RAD52: variants seen among roughly 807,000 people sequenced by gnomAD.
RAD52 encodes RAD52 DNA repair protein.
Under a neutral mutation model 55.5 loss-of-function variants are expected in RAD52, and 47 were observed. That is an observed-to-expected ratio of 0.85 (90% confidence interval 0.67 to 1.08). The LOEUF is 1.08. Among genes scored for constraint, RAD52 ranks in the 50% least tolerant of loss-of-function variants. The probability of loss-of-function intolerance (pLI) is 0.00; values close to 1 mark genes in which losing one functional copy is unlikely to be tolerated. For missense variants in RAD52, 468 were observed against 522.8 expected (o/e 0.90, Z 1.02); for synonymous variants, 184 against 198.9 (o/e 0.92, Z 0.63).
chr12:938,910 C>T (rs887876620), intron 1 of RAD52, among the ~76,000 whole-genome samples: 5 of 152,098 alleles, frequency 3.3e-5, no homozygotes, highest in African/African-American at 1.2e-4. Flanking sequence ...TACAGGTGTG[C>T]ACCACCACAG....
intron 1 of RAD52, among the ~76,000 whole-genome samples, chr12:956,333 A>G (rs1017322394): frequency 6.6e-6 from 1 of 152,158 alleles, no homozygotes; most frequent in Non-Finnish European, 1.5e-5. Context: ...GCTTGGTTCA[A>G]TGTTCTATGC....
At chr12:980,017 C>T (rs919489586) in intron 1 of RAD52, among the ~76,000 whole-genome samples, 3 of 151,870 alleles carry the variant, frequency 2.0e-5, no homozygotes, top group South Asian at 2.1e-4. Flanking sequence ...GATGAAACCC[C>T]GTCTCTATTA....
intron 7 of RAD52, among the ~76,000 whole-genome samples, chr12:917,726 A>T (rs1956476276): frequency 6.6e-6 from 1 of 150,666 alleles, no homozygotes; most frequent in Non-Finnish European, 1.5e-5. Context: ...AAAAAAAAAA[A>T]ATCGAAGGAA....
At position 927,296 on chromosome 12, in the gene RAD52, C is replaced by T. The variant is rs768168020; in HGVS notation, c.349-33G>A. The T allele has an allele frequency of 1.1e-5, 17 of 1,511,762 alleles. No homozygotes were observed. In the East Asian group the frequency reaches 2.3e-4, roughly 20 times the overall value. 93.6% of individuals were successfully genotyped at this position (1,511,762 alleles called of 1,614,324 possible). A position where few individuals can be genotyped will look rare whatever the true frequency, so the allele number is the denominator to read the frequency against. On this transcript the variant is annotated intron_variant, in intron 5 of 11. Transcript: ENST00000358495. ...CAGAAAAGGAGTTTGAACTCAAACA[C>T]GAGAGCGGCAGGCGTGCCACAACTC... is the stretch of plus-strand genomic sequence containing the variant.
At chr12:950,920 T>C (rs1442386594), upstream of RAD52, among the ~76,000 whole-genome samples, 2 of 151,764 alleles carry the variant, frequency 1.3e-5, no homozygotes, top group Non-Finnish European at 2.9e-5. Flanking sequence ...CCCCAGCCTC[T>C]GGGGAATTTT....
At chr12:950,578 A>AAAG, upstream of RAD52, among the ~76,000 whole-genome samples, 1 of 151,176 alleles carries the variant, frequency 6.6e-6, no homozygotes, top group Non-Finnish European at 1.5e-5. Context: ...TCTCAAAAAA[A>AAAG]AAAAAAAAAG....
chr12:934,913 G>A (rs940514286), intron 1 of RAD52, among the ~76,000 whole-genome samples: 3 of 152,078 alleles, frequency 2.0e-5, no homozygotes, highest in African/African-American at 7.2e-5. Flanking sequence ...AGGAGTTCGA[G>A]ATCAGCCTGA....
At chr12:934,460 CA>C (rs10611406) in intron 1 of RAD52, among the ~76,000 whole-genome samples, 15 of 128,830 alleles carry the variant, frequency 1.2e-4, no homozygotes, top group African/African-American at 4.1e-4. Flanking sequence ...GACTCCATCT[CA>C]AAAAAAAAAA....
Position 984,740 on chromosome 12 carries a change from C to A in RAD52, c.-19+5069G>T, listed in dbSNP as rs557837250. Among the ~76,000 whole-genome samples the A allele has an allele frequency of 1.2e-3, 176 of 152,054 alleles. 1 individual carries two copies. The Middle Eastern group carries it at 0.017, about 15-fold the overall frequency. On this transcript the variant is annotated intron_variant, in intron 1 of 11. Coordinates refer to the RAD52 transcript ENST00000430095. ...AGTGCAGTGGCGTGATCTCGGCTCACTGCAAGCTCCGCCTCCCGGCTTCAC... is the reference window on the plus strand; with the variant it reads ...AGTGCAGTGGCGTGATCTCGGCTCAATGCAAGCTCCGCCTCCCGGCTTCAC...
intron 10 of RAD52, 59 bp downstream of exon 10, chr12:914,372 A>G (rs1425188110): frequency 1.2e-6 from 2 of 1,600,478 alleles, no homozygotes; most frequent in Non-Finnish European, 1.7e-6. Flanking sequence ...CCTAAAAGGT[A>G]TTCTGTGGCT....
chr12:916,811 C>G lies in RAD52; in HGVS notation c.553G>C (p.Glu185Gln). 1 of 1,598,962 alleles carries G rather than the reference C, an allele frequency of 6.3e-7. No homozygotes were observed. The highest frequency in any genetic ancestry group is 1.1e-5 in the South Asian group (1 of 90,810). Reference protein sequence around the residue: ...LNKLPRQLPLEVDLTKAKRQD... With the variant: ...LNKLPRQLPLQVDLTKAKRQD... ...CTCTTCGCTTTAGTTAAATCCACTT[C>G]AAGAGGCAACTAGAAGGAAAGAAGA... Residue 185 changes from glutamate to glutamine, a missense_variant, in exon 8 of 12, where the codon GAA becomes CAA. By Grantham distance (29) the Glu-to-Gln change is conservative (BLOSUM62 2). Coordinates refer to ENST00000358495, the MANE Select transcript of RAD52 (RefSeq NM_134424.4).
chr12:989,493 T>C lies in RAD52; in HGVS notation c.-19+316A>G, dbSNP rs545696689. On this transcript the variant is annotated intron_variant, in intron 1 of 11. Transcript: ENST00000430095. The stretch of plus-strand genomic sequence containing the variant: ...GTTAGCTAGCTTTAATCAAAAATCC[T>C]AAACGTAGGTTTTAAAAAAGATAAC... Among the ~76,000 whole-genome samples, 12 of 152,322 alleles carry C rather than the reference T, an allele frequency of 7.9e-5. No individual in the cohort carries two copies. In the South Asian group the frequency reaches 2.5e-3, roughly 32 times the overall value.
chr12:928,878 A>G (rs754374160), intron 5 of RAD52, among the ~76,000 whole-genome samples: 11 of 152,252 alleles, frequency 7.2e-5, no homozygotes, highest in South Asian at 4.1e-4. Context: ...AAGCACAGTA[A>G]GGCTACCGAT....
At chr12:931,776 A>C (rs1368905359) in intron 2 of RAD52, among the ~76,000 whole-genome samples, 1 of 152,196 alleles carries the variant, frequency 6.6e-6, no homozygotes, top group Non-Finnish European at 1.5e-5. Flanking sequence ...TCAGCACAGG[A>C]AGCAAGTACG....
chr12:984,009 T>TACTATTTTA (rs1959054308), intron 1 of RAD52, among the ~76,000 whole-genome samples: 1 of 152,210 alleles, frequency 6.6e-6, no homozygotes. Context: ...CATAACACTT[T>TACTATTTTA]ACTATTTTAA....
chr12:948,792 T>G (rs945074429), intron 1 of RAD52, among the ~76,000 whole-genome samples: 10 of 149,178 alleles, frequency 6.7e-5, no homozygotes, highest in Non-Finnish European at 1.2e-4. Context: ...ACCTGCCTAC[T>G]GGGTTCAAGC....
intron 1 of RAD52, among the ~76,000 whole-genome samples, chr12:942,701 C>A (rs12581771): frequency 9.9e-5 from 15 of 151,002 alleles, no homozygotes; most frequent in Non-Finnish European, 1.5e-5. Flanking sequence ...GAGCGGAGAT[C>A]GCCATCACCG....
intron 7 of RAD52, among the ~76,000 whole-genome samples, chr12:920,666 T>C (rs181830280): frequency 3.3e-5 from 5 of 151,880 alleles, no homozygotes; most frequent in East Asian, 3.9e-4. Context: ...TTTGAGAGGA[T>C]TGTAAGGTGA....
intron 1 of RAD52, among the ~76,000 whole-genome samples, chr12:973,782 C>CTTTTTTTTTTTTTTTT (rs750425355): frequency 3.5e-5 from 4 of 113,480 alleles, no homozygotes; most frequent in African/African-American, 1.5e-4. Context: ...CCCAGTCCTT[C>CTTTTTTTTTTTTTTTT]TTTTTTTTTT....
Sources: gnomAD v4.1 joint callset for allele counts (sites outside exome capture counted in the v4.1 genomes callset) on GRCh38, gnomAD v4.1.1 for gene constraint, MANE v1.5 for transcripts, NCBI Gene and HGNC (gene_info 2026-07-23, HGNC 2026-07-21) for gene names.